ANKS1B: variants seen among roughly 807,000 people sequenced by gnomAD.
ANKS1B encodes the protein ankyrin repeat and sterile alpha motif domain containing 1B, also known as ankyrin repeat and sterile alpha motif domain-containing protein 1B.
In ANKS1B, 36 loss-of-function variants were observed where a neutral mutation model predicts 148.3. The ratio of observed to expected loss-of-function variants is 0.24; its 90% CI spans 0.19 to 0.32. The LOEUF (loss-of-function observed/expected upper bound fraction) is 0.32. Among genes scored for constraint, ANKS1B ranks in the 10% least tolerant of loss-of-function variants. The probability of loss-of-function intolerance (pLI) is 1.00; values close to 1 mark genes in which losing one functional copy is unlikely to be tolerated. For synonymous variants in ANKS1B, 542 were observed against 560.8 expected (o/e 0.97, Z 0.47); for missense variants, 1,157 against 1,542.6 (o/e 0.75, Z 4.19).
At chr12:99,873,119 G>A (rs934039848) in intron 1 of ANKS1B, among the ~76,000 whole-genome samples, 1 of 152,114 alleles carries the variant, frequency 6.6e-6, no homozygotes, top group South Asian at 2.1e-4. Flanking sequence ...ATGCAATAAT[G>A]CATGTCAATC....
At chr12:99,812,658 A>G (rs1245161447) in intron 2 of ANKS1B, among the ~76,000 whole-genome samples, 1 of 151,652 alleles carries the variant, frequency 6.6e-6, no homozygotes. Flanking sequence ...TTATTTCATT[A>G]ATTAGATGAG....
chr12:99,834,449 T>C (rs1052412339), intron 1 of ANKS1B, among the ~76,000 whole-genome samples: 1 of 152,180 alleles, frequency 6.6e-6, no homozygotes, highest in African/African-American at 2.4e-5. Context: ...GGGTTGCCAA[T>C]TACCAAAAAT....
At position 99,157,728 on chromosome 12, in the gene ANKS1B, G is replaced by A. The variant is rs535391404; in HGVS notation, c.2420-3333C>T. 1.4e-3 allele frequency among the ~76,000 whole-genome samples: 208 copies of A among 152,128 alleles called. 2 individuals are homozygous for A. Among genetic ancestry groups the A allele is most frequent in the Non-Finnish European group, 1.3e-3 (88 of 68,004 alleles). On this transcript the variant is annotated intron_variant, in intron 14 of 26. Transcript: ENST00000683438. ...GTACAGTGTACACTATTTGGGTGGT[G>A]GGTACACTAAAAGCCCAGACCTCAC...
At chr12:99,221,749 G>A (rs1409532044) in intron 14 of ANKS1B, among the ~76,000 whole-genome samples, 1 of 152,096 alleles carries the variant, frequency 6.6e-6, no homozygotes, top group Non-Finnish European at 1.5e-5. Context: ...CATTGTAACT[G>A]CTAAGGAGGG....
At chr12:98,795,593 C>T (rs1326702322) in intron 22 of ANKS1B, 1 of 443,056 alleles carries the variant, frequency 2.3e-6, no homozygotes, top group Admixed American at 2.5e-5. Context: ...TTTTAAAAAG[C>T]TCCTGTTTTT....
At chr12:99,001,414 C>A (rs1426600671) in intron 17 of ANKS1B, among the ~76,000 whole-genome samples, 1 of 152,184 alleles carries the variant, frequency 6.6e-6, no homozygotes, top group Non-Finnish European at 1.5e-5. Context: ...TAGGCATGAG[C>A]CACCATGCCA....
In ANKS1B at chr12:99,623,859, C is replaced by T. The variant is rs181667604; in HGVS notation, c.1272+31208G>A. On this transcript the variant is annotated intron_variant, in intron 9 of 26. Transcript: ENST00000683438. ...GCAATCTACATTTTCAACGTGATTT[C>T]TACCAAACTACCAACATTATTTTTC... 7.9e-3 allele frequency among the ~76,000 whole-genome samples: 1,206 copies of T among 151,866 alleles called. 15 individuals carry two copies. Among genetic ancestry groups the T allele is most frequent in the African/African-American group, 0.027 (1,138 of 41,456 alleles).
chr12:99,523,251 T>C (rs1277776078), intron 9 of ANKS1B, among the ~76,000 whole-genome samples: 1 of 152,094 alleles, frequency 6.6e-6, no homozygotes, highest in Non-Finnish European at 1.5e-5. Flanking sequence ...TCTGTGAACA[T>C]AAGTGAGGAA....
At chr12:99,908,649 G>T (rs2093883144) in intron 1 of ANKS1B, among the ~76,000 whole-genome samples, 1 of 152,130 alleles carries the variant, frequency 6.6e-6, no homozygotes, top group Non-Finnish European at 1.5e-5. Flanking sequence ...AAGTTATTAA[G>T]AAGCCAATGT....
At position 99,011,564 on chromosome 12, in the gene ANKS1B, A is replaced by G. The variant is rs188690502; in HGVS notation, c.2778+41593T>C. Among the ~76,000 whole-genome samples the G allele has an allele frequency of 1.3e-3, 199 of 152,340 alleles. 3 individuals are homozygous for G. The South Asian group carries it at 0.027, about 20-fold the overall frequency. ...GGCTATTTTTCTTTCTCTTGAAATA[A>G]TTTGTACTATTCATTGCACTGTCAA... On this transcript the variant is annotated intron_variant, in intron 17 of 26. Transcript: ENST00000683438.
At chr12:99,027,831 T>C (rs1185936525) in intron 17 of ANKS1B, among the ~76,000 whole-genome samples, 2 of 152,228 alleles carry the variant, frequency 1.3e-5, no homozygotes, top group Non-Finnish European at 2.9e-5. Context: ...TGAAAATGTA[T>C]TGTTAGAAAA....
At chr12:99,302,064 A>C (rs1441282622) in intron 12 of ANKS1B, among the ~76,000 whole-genome samples, 1 of 152,186 alleles carries the variant, frequency 6.6e-6, no homozygotes, top group Non-Finnish European at 1.5e-5. Context: ...ACCAGTTCTT[A>C]ACTTGGCCTG....
chr12:98,779,829 T>G (rs2098716292), intron 24 of ANKS1B, among the ~76,000 whole-genome samples: 1 of 152,210 alleles, frequency 6.6e-6, no homozygotes, highest in Non-Finnish European at 1.5e-5. Flanking sequence ...TTATTATCTG[T>G]CAACAACCAT....
chr12:99,190,739 C>T (rs1235807740), intron 14 of ANKS1B, among the ~76,000 whole-genome samples: 1 of 152,080 alleles, frequency 6.6e-6, no homozygotes, highest in African/African-American at 2.4e-5. Flanking sequence ...ACCATAAAAA[C>T]CCTAGAAGAA....
At chr12:99,831,649 T>C (rs1444175065) in intron 1 of ANKS1B, among the ~76,000 whole-genome samples, 1 of 152,162 alleles carries the variant, frequency 6.6e-6, no homozygotes, top group Non-Finnish European at 1.5e-5. Flanking sequence ...AGCTTTCTTA[T>C]ATGAGACCCA....
intron 25 of ANKS1B, among the ~76,000 whole-genome samples, chr12:98,755,496 C>A (rs2153416566): frequency 6.6e-6 from 1 of 152,266 alleles, no homozygotes. Flanking sequence ...AGAAGAAATG[C>A]TTGCTTGCTT....
At chr12:99,659,261 T>TAA (rs2098464498) in intron 8 of ANKS1B, among the ~76,000 whole-genome samples, 1 of 152,186 alleles carries the variant, frequency 6.6e-6, no homozygotes. Context: ...AAGCTACATA[T>TAA]AATCTTCAAT....
At chr12:99,094,133 C>T (rs1468296953) in intron 15 of ANKS1B, among the ~76,000 whole-genome samples, 1 of 152,076 alleles carries the variant, frequency 6.6e-6, no homozygotes, top group Non-Finnish European at 1.5e-5. Context: ...TTATTATGTG[C>T]CAGGCACTGG....
chr12:98,960,015 C>G (rs1353586171), intron 17 of ANKS1B, among the ~76,000 whole-genome samples: 2 of 152,178 alleles, frequency 1.3e-5, no homozygotes, highest in Non-Finnish European at 2.9e-5. Context: ...GGACCTGGCT[C>G]CTGGATGGCA....
Sources: gnomAD v4.1 joint callset for allele counts (sites outside exome capture counted in the v4.1 genomes callset) on GRCh38, gnomAD v4.1.1 for gene constraint, MANE v1.5 for transcripts, NCBI Gene and HGNC (gene_info 2026-07-23, HGNC 2026-07-21) for gene names.